CCDC141: variants seen among roughly 807,000 people sequenced by gnomAD.
The protein encoded by CCDC141 is coiled-coil domain-containing protein 141.
Under a neutral mutation model 181.0 loss-of-function variants are expected in CCDC141, and 168 were observed. The ratio of observed to expected loss-of-function variants is 0.93; its 90% CI spans 0.82 to 1.05. CCDC141 has a LOEUF of 1.05. CCDC141 is among the 50% of genes least tolerant of loss of function. CCDC141 has a pLI of 0.00. For missense variants in CCDC141, 1,902 were observed against 1,788.5 expected, an observed-to-expected ratio of 1.06 and a Z score of -1.14; for synonymous variants, 666 against 642.3, an observed-to-expected ratio of 1.04 and a Z score of -0.56.
intron 2 of CCDC141, among the ~76,000 whole-genome samples, chr2:179,039,835 A>T (rs1013151520): frequency 2.0e-5 from 3 of 152,184 alleles, no homozygotes; most frequent in Non-Finnish European, 2.9e-5. Flanking sequence ...TTAGCTAGTA[A>T]ATTGGTTGAA....
At chr2:178,981,689 G>C (rs1202870791) in intron 2 of CCDC141, among the ~76,000 whole-genome samples, 1 of 91,048 alleles carries the variant, frequency 1.1e-5, no homozygotes, top group African/African-American at 4.1e-5. Context: ...TATATAGAGA[G>C]AGAGAGAGAG....
chr2:179,015,081 T>G (rs1356924613), intron 2 of CCDC141, among the ~76,000 whole-genome samples: 977 of 36,056 alleles, frequency 0.027, 65 homozygotes, highest in African/African-American at 0.07. Flanking sequence ...TATATATATA[T>G]ATATATATAT....
chr2:178,960,270 G>GT (rs1023207897), intron 5 of CCDC141, among the ~76,000 whole-genome samples: 3 of 152,214 alleles, frequency 2.0e-5, no homozygotes, highest in African/African-American at 7.2e-5. Context: ...CTGGTACATA[G>GT]TAAGTGGTCA....
At chr2:178,968,636 G>A (rs1047292635) in intron 4 of CCDC141, among the ~76,000 whole-genome samples, 2 of 151,330 alleles carry the variant, frequency 1.3e-5, no homozygotes, top group Admixed American at 6.6e-5. Flanking sequence ...AAGAAAGCAG[G>A]AAAGATCTAA....
chr2:178,909,248 C>T (rs868185926), intron 7 of CCDC141, among the ~76,000 whole-genome samples: 1 of 151,796 alleles, frequency 6.6e-6, no homozygotes, highest in Middle Eastern at 3.4e-3. Flanking sequence ...ACAAAGATAG[C>T]CCATAATGAG....
intron 11 of CCDC141, among the ~76,000 whole-genome samples, chr2:178,882,316 C>T (rs899120728): frequency 6.6e-6 from 1 of 152,112 alleles, no homozygotes; most frequent in Non-Finnish European, 1.5e-5. Flanking sequence ...TTGCAGTGAG[C>T]CAAAATCGCG....
Position 178,872,163 on chromosome 2 carries a change from C to A in CCDC141, c.2049G>T (p.Gln683His). 1 of 1,613,906 alleles carries A rather than the reference C, an allele frequency of 6.2e-7. No homozygotes were observed. The highest frequency in any genetic ancestry group is 2.2e-5 in the East Asian group (1 of 44,852). The change falls in exon 13 of 24, where the codon CAG (glutamine) becomes CAT (histidine). Residue 683 changes from glutamine to histidine, a missense_variant. Transcript: ENST00000443758. ...TAAGTTGCTCTTTGAATGCCGCCCA[C>A]TGCTGTTTTCCAGGCTTGCTTTCCG... ...KATESKPGKQQWAAFKEQLKK... is the reference protein window; with the variant it reads ...KATESKPGKQHWAAFKEQLKK...
intron 4 of CCDC141, among the ~76,000 whole-genome samples, chr2:178,964,290 C>A (rs1690525249): frequency 6.6e-6 from 1 of 152,116 alleles, no homozygotes; most frequent in Non-Finnish European, 1.5e-5. Context: ...ACAGCCCACA[C>A]ACGAGAAGTT....
chr2:178,817,693 G>A, the CCDC141 span: 9 of 362,628 alleles, frequency 2.5e-5, no homozygotes, highest in Admixed American at 2.8e-4. Context: ...AAAAGGAAAA[G>A]GAAATTTGAA....
At chr2:178,916,008 C>A (rs1204398256) in intron 7 of CCDC141, among the ~76,000 whole-genome samples, 1 of 152,026 alleles carries the variant, frequency 6.6e-6, no homozygotes, top group Non-Finnish European at 1.5e-5. Flanking sequence ...TAATCAATCA[C>A]CTCTGAGCCA....
In CCDC141 at chr2:179,047,330, G is replaced by A. The variant is rs1396374727; in HGVS notation, c.179C>T (p.Thr60Ile). 6 of 1,542,434 alleles carry A rather than the reference G, an allele frequency of 3.9e-6. No homozygotes were observed. In the Admixed American group the frequency reaches 1.2e-4, roughly 32 times the overall value. ...TTCATGATCATGAAGAAGTTTTTTGGTTTCATCTTGACTGCTGCCAATTTC... is the reference window on the plus strand; with the variant it reads ...TTCATGATCATGAAGAAGTTTTTTGATTTCATCTTGACTGCTGCCAATTTC... ...LLEIGSSQDE[T>I]KKLLHDHELL... Residue 60 changes from threonine (T) to isoleucine (I), a missense_variant, in exon 2 of 24, where the codon ACC (threonine) becomes ATC (isoleucine). Transcript: ENST00000443758.
chr2:178,950,364 C>A (rs750834977), intron 5 of CCDC141, among the ~76,000 whole-genome samples: 1 of 151,998 alleles, frequency 6.6e-6, no homozygotes, highest in Non-Finnish European at 1.5e-5. Flanking sequence ...GTAGGGGAAC[C>A]AGTTGCCTTT....
Position 178,892,666 on chromosome 2 carries a change from C to A in CCDC141, c.1266-3998G>T, listed in dbSNP as rs538531016. On this transcript the variant is annotated intron_variant, in intron 8 of 23. Transcript: ENST00000443758. ...ATGCATATTAACAATTTCCTCAGCA[C>A]CTGAACGGCAGGTGGTCTGATCAAA... Among the ~76,000 whole-genome samples the A allele has an allele frequency of 2.6e-5, 4 of 152,290 alleles. No individual in the cohort carries two copies. In the South Asian group the frequency reaches 8.3e-4, roughly 32 times the overall value.
At chr2:178,902,042 T>G (rs1687720238) in intron 8 of CCDC141, among the ~76,000 whole-genome samples, 1 of 152,090 alleles carries the variant, frequency 6.6e-6, no homozygotes, top group Admixed American at 6.5e-5. Flanking sequence ...GGAATCCAAC[T>G]TACGAGGGAT....
intron 11 of CCDC141, 66 bp from the exon 12 acceptor site, chr2:178,878,209 T>G (rs956345510): frequency 8.4e-6 from 9 of 1,066,152 alleles, no homozygotes; most frequent in Admixed American, 3.0e-5. Context: ...GAACAGTAGA[T>G]TCCAATAAAA....
chr2:178,867,911 G>A, intron 16 of CCDC141, 115 bp downstream of exon 16: 1 of 802,522 alleles, frequency 1.2e-6, no homozygotes. Context: ...TACCCCAATG[G>A]TTTAGTTTAT....
intron 6 of CCDC141, among the ~76,000 whole-genome samples, chr2:178,943,710 G>A (rs1689614539): frequency 6.6e-6 from 1 of 151,990 alleles, no homozygotes; most frequent in African/African-American, 2.4e-5. Flanking sequence ...CTGTTTTCTT[G>A]TGGATCAATA....
chr2:178,886,759 TG>T lies in CCDC141; in HGVS notation c.1519del (p.Gln507LysfsTer9). The T allele has an allele frequency of 1.4e-6, 2 of 1,438,590 alleles. No individual in the cohort carries two copies. Among genetic ancestry groups the T allele is most frequent in the East Asian group, 2.6e-5 (1 of 38,394 alleles). The allele number at this position is 1,438,590 out of a possible 1,614,324, so 89.1% of individuals were successfully genotyped here. A position where few individuals can be genotyped will look rare whatever the true frequency, so the allele number is the denominator to read the frequency against. On this transcript the variant is annotated frameshift_variant, in exon 10 of 24. Coordinates refer to ENST00000443758, the MANE Select transcript of CCDC141 (RefSeq NM_173648.4). LOFTEE classifies it high-confidence loss of function. ...ILNKYLELDI[Q>X]AKETSHELEA... is the part of the protein sequence containing the mutation. The stretch of plus-strand genomic sequence containing the variant: ...CATTCTCATTTTATTTACCTTAGCT[TG>T]GATATCTAGTTCCAGATATTTATTC...
chr2:178,938,816 T>G (rs1234031003), intron 6 of CCDC141, among the ~76,000 whole-genome samples: 1 of 152,134 alleles, frequency 6.6e-6, no homozygotes, highest in African/African-American at 2.4e-5. Context: ...TCATTCATTA[T>G]GTAGTGAATG....
Sources: gnomAD v4.1 joint callset for allele counts (sites outside exome capture counted in the v4.1 genomes callset) on GRCh38, gnomAD v4.1.1 for gene constraint, MANE v1.5 for transcripts, NCBI Gene and HGNC (gene_info 2026-07-23, HGNC 2026-07-21) for gene names.